CNTNAP2: variants seen among roughly 807,000 people sequenced by gnomAD.
CNTNAP2 encodes the protein contactin associated protein 2, also known as contactin-associated protein-like 2.
In CNTNAP2, 98 loss-of-function variants were observed where a neutral mutation model predicts 155.2. The observed-to-expected ratio is 0.63, with a 90% CI of 0.54 to 0.75. CNTNAP2 has a LOEUF of 0.75. Ranked by LOEUF, CNTNAP2 falls within the 30% of genes least tolerant of loss-of-function variation. The probability of loss-of-function intolerance (pLI) is 0.00; values close to 1 mark genes in which losing one functional copy is unlikely to be tolerated. For synonymous variants in CNTNAP2, 651 were observed against 631.2 expected (o/e 1.03, Z -0.47); for missense variants, 1,727 against 1,688.1 (o/e 1.02, Z -0.40).
At position 147,985,004 on chromosome 7, in the gene CNTNAP2, G is replaced by A. The variant is rs540888381; in HGVS notation, c.2383+7015G>A. Among the ~76,000 whole-genome samples the A allele has an allele frequency of 2.7e-3, 408 of 152,016 alleles. 4 individuals carry two copies. Among genetic ancestry groups the A allele is most frequent in the Non-Finnish European group, 2.3e-3 (155 of 67,958 alleles). ...TTGGTGCGCACCTGTAATCCCAGCT[G>A]CTCAGGAGACTGAGGCATGAGAATC... On this transcript the variant is annotated intron_variant, in intron 15 of 23. Coordinates refer to ENST00000361727, the MANE Select transcript of CNTNAP2 (RefSeq NM_014141.6).
At chr7:147,213,372 T>C (rs1010935419) in intron 8 of CNTNAP2, among the ~76,000 whole-genome samples, 1 of 152,128 alleles carries the variant, frequency 6.6e-6, no homozygotes, top group African/African-American at 2.4e-5. Flanking sequence ...TCCAGAAACA[T>C]TGTCACAGGC....
At chr7:146,833,960 A>T (rs942926843) in intron 2 of CNTNAP2, among the ~76,000 whole-genome samples, 4 of 152,154 alleles carry the variant, frequency 2.6e-5, no homozygotes, top group Non-Finnish European at 5.9e-5. Flanking sequence ...TTGAAGCAGA[A>T]GGGGGTCTCA....
chr7:147,024,522 G>A (rs1299769977), intron 3 of CNTNAP2, among the ~76,000 whole-genome samples: 1 of 152,158 alleles, frequency 6.6e-6, no homozygotes, highest in East Asian at 1.9e-4. Context: ...AAGAAATATT[G>A]AGACTGGGTA....
intron 1 of CNTNAP2, among the ~76,000 whole-genome samples, chr7:146,702,928 C>T (rs1440038772): frequency 1.3e-5 from 2 of 152,072 alleles, no homozygotes; most frequent in East Asian, 3.9e-4. Context: ...ACAATGGTAG[C>T]AAACATCAGG....
At chr7:146,207,350 T>G (rs1798962390) in intron 1 of CNTNAP2, among the ~76,000 whole-genome samples, 1 of 152,008 alleles carries the variant, frequency 6.6e-6, no homozygotes, top group African/African-American at 2.4e-5. Flanking sequence ...TCTTGGAGAC[T>G]TGGTTTTCTT....
chr7:147,801,240 A>T (rs1461804620), intron 13 of CNTNAP2, among the ~76,000 whole-genome samples: 1 of 151,558 alleles, frequency 6.6e-6, no homozygotes, highest in Non-Finnish European at 1.5e-5. Context: ...GTGTATATTT[A>T]CTTCTTAGAA....
rs144390136 is a variant in CNTNAP2 at position 147,743,271 on chromosome 7, C to A, written c.2098+103965C>A. On this transcript the variant is annotated intron_variant, in intron 13 of 23. Coordinates refer to ENST00000361727, the MANE Select transcript of CNTNAP2 (RefSeq NM_014141.6). Reference sequence around the variant, plus strand: ...GGGAAAACACACCTGTATCCGAAATCTCCCAAATAGCAAATGGTAGCTGGA... The same window carrying A: ...GGGAAAACACACCTGTATCCGAAATATCCCAAATAGCAAATGGTAGCTGGA... Among the ~76,000 whole-genome samples the A allele has an allele frequency of 3.7e-3, 560 of 152,268 alleles. 3 individuals are homozygous for A. The highest frequency in any genetic ancestry group is 0.014 in the Middle Eastern group (4 of 294).
intron 1 of CNTNAP2, among the ~76,000 whole-genome samples, chr7:146,638,390 A>C (rs938098204): frequency 6.6e-6 from 1 of 151,174 alleles, no homozygotes; most frequent in Non-Finnish European, 1.5e-5. Context: ...GTATCACTGG[A>C]TATCTCATTT....
chr7:146,156,750 C>A (rs781339666), intron 1 of CNTNAP2, among the ~76,000 whole-genome samples: 7 of 152,138 alleles, frequency 4.6e-5, no homozygotes, highest in Non-Finnish European at 1.0e-4. Flanking sequence ...TTACAGGCAC[C>A]TGCCCCACAC....
At chr7:146,684,713 A>G (rs1300597390) in intron 1 of CNTNAP2, among the ~76,000 whole-genome samples, 1 of 149,342 alleles carries the variant, frequency 6.7e-6, no homozygotes, top group Non-Finnish European at 1.5e-5. Context: ...TGCAATTACT[A>G]TTATTACCTA....
At chr7:147,616,735 A>T (rs1479160022) in intron 12 of CNTNAP2, among the ~76,000 whole-genome samples, 1 of 152,024 alleles carries the variant, frequency 6.6e-6, no homozygotes, top group Non-Finnish European at 1.5e-5. Context: ...CGTGTTAGAT[A>T]TTTGTTTGTT....
intron 1 of CNTNAP2, among the ~76,000 whole-genome samples, chr7:146,362,764 C>A (rs1034420863): frequency 4.3e-4 from 58 of 135,890 alleles, no homozygotes; most frequent in African/African-American, 1.4e-3. Flanking sequence ...ATTCACACAG[C>A]ACTTTTTTTT....
chr7:148,168,535 G>A (rs986042621), intron 17 of CNTNAP2, among the ~76,000 whole-genome samples: 3 of 143,506 alleles, frequency 2.1e-5, no homozygotes, highest in South Asian at 2.3e-4. Flanking sequence ...ACACAGGAAG[G>A]GGAACATCAC....
chr7:146,527,752 C>T (rs373574151), intron 1 of CNTNAP2, among the ~76,000 whole-genome samples: 12 of 151,970 alleles, frequency 7.9e-5, no homozygotes, highest in East Asian at 5.8e-4. Flanking sequence ...ATACAATATT[C>T]GACAAGTGGA....
chr7:146,738,016 C>T (rs1308508687), intron 1 of CNTNAP2, among the ~76,000 whole-genome samples: 2 of 152,030 alleles, frequency 1.3e-5, no homozygotes, highest in Non-Finnish European at 2.9e-5. Flanking sequence ...ACTGATTTCA[C>T]TTCCTTTGGA....
intron 15 of CNTNAP2, among the ~76,000 whole-genome samples, chr7:148,076,377 C>G (rs1803485012): frequency 6.8e-6 from 1 of 147,352 alleles, no homozygotes. Context: ...GTCAAGAATG[C>G]CAAAATGGAG....
intron 1 of CNTNAP2, among the ~76,000 whole-genome samples, chr7:146,369,924 A>G (rs947546403): frequency 1.3e-5 from 2 of 152,150 alleles, no homozygotes; most frequent in African/African-American, 4.8e-5. Flanking sequence ...GATTTGGGAT[A>G]TGCTTAGAAA....
Position 147,083,732 on chromosome 7 carries a change from T to C in CNTNAP2, c.551-24415T>C, listed in dbSNP as rs191312978. On this transcript the variant is annotated intron_variant, in intron 4 of 23. Coordinates refer to ENST00000361727, the MANE Select transcript of CNTNAP2 (RefSeq NM_014141.6). ...TATATATTTATATAGCATGTGTATATACATATATGCTATATATAGGATTAT... is the reference window on the plus strand; with the variant it reads ...TATATATTTATATAGCATGTGTATACACATATATGCTATATATAGGATTAT... Among the ~76,000 whole-genome samples, 316 of 144,166 alleles carry C rather than the reference T, an allele frequency of 2.2e-3. 1 individual carries two copies. The highest frequency in any genetic ancestry group is 7.7e-3 in the African/African-American group (305 of 39,820). The allele number at this position is 144,166 out of a possible 152,430, so 94.6% of individuals were successfully genotyped here. A position where few individuals can be genotyped will look rare whatever the true frequency, so the allele number is the denominator to read the frequency against.
chr7:148,407,702 TTAAAAAAA>T (rs1454200786), intron 22 of CNTNAP2, among the ~76,000 whole-genome samples: 2 of 1,778 alleles, frequency 1.1e-3, no homozygotes, highest in African/African-American at 3.2e-3. Flanking sequence ...AGACCAAATC[TTAAAAAAA>T]AAAAAAAAAA....
Sources: allele counts gnomAD v4.1 joint callset (sites outside exome capture counted in the v4.1 genomes callset), GRCh38; gene constraint gnomAD v4.1.1; transcripts MANE v1.5; gene names NCBI Gene and HGNC (gene_info 2026-07-23, HGNC 2026-07-21).